The following AGR2 variants were observed in gnomAD, a reference collection of about 807,000 sequenced individuals.
The protein encoded by AGR2 is anterior gradient protein 2 homolog.
A neutral mutation model predicts 25.9 loss-of-function variants in AGR2; 27 were observed. The ratio of observed to expected loss-of-function variants is 1.04; its 90% CI spans 0.77 to 1.44. AGR2 has a LOEUF of 1.44. AGR2 is among the 40% of genes most tolerant of loss of function. The probability of loss-of-function intolerance (pLI) is 0.00; values close to 1 mark genes in which losing one functional copy is unlikely to be tolerated. For synonymous variants in AGR2, 78 were observed against 72.0 expected, an observed-to-expected ratio of 1.08 and a Z score of -0.42; for missense variants, 182 against 200.9, an observed-to-expected ratio of 0.91 and a Z score of 0.57.
chr7:16,804,775 CTT>C (rs141123982), intron 1 of AGR2, among the ~76,000 whole-genome samples, 158 bp downstream of exon 1: 11,091 of 152,214 alleles, frequency 0.073, 1,360 homozygotes, highest in African/African-American at 0.25. Flanking sequence ...CCCAGTAAGA[CTT>C]TTGTGGAAAT....
At chr7:16,797,288 G>A (rs1012707257) in intron 6 of AGR2, among the ~76,000 whole-genome samples, 1 of 152,148 alleles carries the variant, frequency 6.6e-6, no homozygotes. Flanking sequence ...CAAAGTGAAA[G>A]TTTGCTGGAT....
chr7:16,801,610 T>G, intron 2 of AGR2, 48 bp downstream of exon 2: 2 of 1,611,776 alleles, frequency 1.2e-6, no homozygotes, highest in Non-Finnish European at 1.7e-6. Flanking sequence ...AGAGGAAATC[T>G]TTTCCAATTA....
intron 4 of AGR2, among the ~76,000 whole-genome samples, chr7:16,800,308 G>A (rs1425924217): frequency 6.6e-6 from 1 of 152,232 alleles, no homozygotes; most frequent in East Asian, 1.9e-4. Flanking sequence ...TGAGGGAGTG[G>A]TCCATTTTGG....
chr7:16,804,095 T>C lies in AGR2; in HGVS notation c.-8+840A>G, dbSNP rs1785195153. Among the ~76,000 whole-genome samples the C allele has an allele frequency of 2.0e-5, 3 of 152,290 alleles. No individual in the cohort carries two copies. In the South Asian group the frequency reaches 6.2e-4, roughly 32 times the overall value. On this transcript the variant is annotated intron_variant, in intron 1 of 7. Transcript: ENST00000419304. ...TACGGCAGGATGACTCAAGGAAGGCTAACATAACTCCTGCTGTACAAACAT... is the reference window on the plus strand; with the variant it reads ...TACGGCAGGATGACTCAAGGAAGGCCAACATAACTCCTGCTGTACAAACAT...
Position 16,801,542 on chromosome 7 carries a change from A to G in AGR2, c.139+116T>C, listed in dbSNP as rs762283657. 11 of 1,428,238 alleles carry G rather than the reference A, an allele frequency of 7.7e-6. No individual in the cohort carries two copies. The South Asian group carries it at 1.3e-4, about 16-fold the overall frequency. 88.5% of individuals were successfully genotyped at this position (1,428,238 alleles called of 1,614,324 possible). A position where few individuals can be genotyped will look rare whatever the true frequency, so the allele number is the denominator to read the frequency against. Reference sequence around the variant, plus strand: ...AATTATAAACAGTGATAAGTCTAGAAGGAACACAACCAAAAATAACCTGGC... The same window carrying G: ...AATTATAAACAGTGATAAGTCTAGAGGGAACACAACCAAAAATAACCTGGC... On this transcript the variant is annotated intron_variant, in intron 2 of 7. Transcript: ENST00000419304.
chr7:16,796,938 T>C (rs1006663969), intron 6 of AGR2, among the ~76,000 whole-genome samples: 3 of 152,104 alleles, frequency 2.0e-5, no homozygotes, highest in East Asian at 3.9e-4. Flanking sequence ...TTTTTTTTTT[T>C]TGAGACAGAA....
At chr7:16,796,602 C>T (rs1167473911) in intron 6 of AGR2, among the ~76,000 whole-genome samples, 1 of 152,188 alleles carries the variant, frequency 6.6e-6, no homozygotes, top group Non-Finnish European at 1.5e-5. Flanking sequence ...TAATTAAACA[C>T]ATATTGATGG....
At chr7:16,799,514 G>A in intron 5 of AGR2, 1 of 463,180 alleles carries the variant, frequency 2.2e-6, no homozygotes, top group South Asian at 3.8e-5. Flanking sequence ...TCTGACTACG[G>A]GAGATAATTT....
intron 7 of AGR2, among the ~76,000 whole-genome samples, chr7:16,793,941 T>C (rs1191065982): frequency 2.0e-5 from 3 of 152,254 alleles, no homozygotes; most frequent in Non-Finnish European, 4.4e-5. Flanking sequence ...GATTGTGATA[T>C]TACTTGTGTA....
At position 16,801,183 on chromosome 7, in the gene AGR2, A is replaced by G; in HGVS notation, c.224T>C (p.Ile75Thr). Residue 75 changes from isoleucine to threonine, a missense_variant, in exon 4 of 8, where the codon ATT becomes ACT. Coordinates refer to ENST00000419304, the MANE Select transcript of AGR2 (RefSeq NM_006408.4). ...GTGTGGGCACTCATCCAAGTGATGA[A>G]TAATCATCAAGGGTTTGTTGCTTTA... ...SKTSNKPLMI[I>T]HHLDECPHSQ... The G allele has an allele frequency of 1.2e-6, 2 of 1,613,750 alleles. No homozygotes were observed. The highest frequency in any genetic ancestry group is 1.7e-6 in the Non-Finnish European group (2 of 1,179,710).
intron 1 of AGR2, among the ~76,000 whole-genome samples, chr7:16,804,295 C>CAT (rs1785198328): frequency 6.6e-6 from 1 of 151,046 alleles, no homozygotes; most frequent in African/African-American, 2.4e-5. Context: ...CACACACACA[C>CAT]ACATTATGTG....
At chr7:16,798,609 G>A (rs11767803) in intron 5 of AGR2, among the ~76,000 whole-genome samples, 70,194 of 152,104 alleles carry the variant, frequency 0.46, 16,474 homozygotes, top group South Asian at 0.66. Context: ...AGCCATGTGG[G>A]ATTAGACAGA....
chr7:16,804,883 C>T (rs1196422118), intron 1 of AGR2, 52 bp downstream of exon 1: 1 of 152,278 alleles, frequency 6.6e-6, no homozygotes, highest in Non-Finnish European at 1.5e-5. Flanking sequence ...CAATCAGAGG[C>T]CCGAATTCAC....
intron 4 of AGR2, among the ~76,000 whole-genome samples, chr7:16,800,097 G>A (rs1193318898): frequency 6.6e-6 from 1 of 151,704 alleles, no homozygotes; most frequent in African/African-American, 2.4e-5. Context: ...TTCTGTACTA[G>A]GGATGGTGCA....
chr7:16,798,440 G>A (rs1562527111), intron 5 of AGR2, among the ~76,000 whole-genome samples: 1 of 152,280 alleles, frequency 6.6e-6, no homozygotes, highest in African/African-American at 2.4e-5. Context: ...GGGCAGTGGC[G>A]AAAGAAGGTG....
At position 16,792,834 on chromosome 7, in the gene AGR2, C is replaced by A; in HGVS notation, c.*74G>T. ...TGTGTTCACTATGCTTCCACACTAGCCAGTCTTCTCACACTTCTTCTGGTT... is the reference window on the plus strand; with the variant it reads ...TGTGTTCACTATGCTTCCACACTAGACAGTCTTCTCACACTTCTTCTGGTT... On this transcript the variant is annotated 3_prime_UTR_variant, in exon 8 of 8. Coordinates refer to ENST00000419304, the MANE Select transcript of AGR2 (RefSeq NM_006408.4). 7.9e-7 allele frequency: 1 copy of A among 1,265,554 alleles called. No homozygotes were observed. Among genetic ancestry groups the A allele is most frequent in the Non-Finnish European group, 1.2e-6 (1 of 862,438 alleles). The allele number at this position is 1,265,554 out of a possible 1,614,324, so 78.4% of individuals were successfully genotyped here. A position where few individuals can be genotyped will look rare whatever the true frequency, so the allele number is the denominator to read the frequency against.
chr7:16,795,266 C>A (rs570413373), intron 6 of AGR2, among the ~76,000 whole-genome samples: 2 of 150,730 alleles, frequency 1.3e-5, no homozygotes, highest in African/African-American at 4.9e-5. Context: ...CCCTTCTGTT[C>A]TATCTATGGC....
At chr7:16,794,793 C>A in intron 7 of AGR2, 143 bp downstream of exon 7, 1 of 1,518,656 alleles carries the variant, frequency 6.6e-7, no homozygotes, top group South Asian at 1.3e-5. Flanking sequence ...CCTGAAGATG[C>A]AAGGCTAGTT....
At chr7:16,801,924 A>G (rs908653432) in intron 1 of AGR2, 121 bp from the exon 2 acceptor site, 70 of 768,390 alleles carry the variant, frequency 9.1e-5, no homozygotes, top group Non-Finnish European at 6.0e-6. Context: ...GACTGGACAT[A>G]CGAGATTGGC....
Sources: allele counts gnomAD v4.1 joint callset (sites outside exome capture counted in the v4.1 genomes callset), GRCh38; gene constraint gnomAD v4.1.1; transcripts MANE v1.5; gene names NCBI Gene and HGNC (gene_info 2026-07-23, HGNC 2026-07-21).